Variants in ADCY8 observed in about 807,000 individuals in gnomAD.
ADCY8 encodes the protein adenylate cyclase 8, also known as adenylate cyclase type 8.
ADCY8 carries 51 observed loss-of-function variants against 119.7 expected under a neutral mutation model. That is an observed-to-expected ratio of 0.43 (90% confidence interval 0.34 to 0.54). ADCY8 has a LOEUF of 0.54. ADCY8 is among the 20% of genes least tolerant of loss of function. The pLI is 0.03. For missense variants in ADCY8, 1,383 were observed against 1,598.8 expected (o/e 0.87, Z 2.30); for synonymous variants, 665 against 651.0 (o/e 1.02, Z -0.33).
intron 2 of ADCY8, among the ~76,000 whole-genome samples, chr8:130,953,491 T>A (rs556524979): frequency 2.0e-5 from 3 of 152,308 alleles, no homozygotes; most frequent in Admixed American, 2.0e-4. Context: ...CCTGAACAGT[T>A]AATCAAGCGG....
intron 2 of ADCY8, among the ~76,000 whole-genome samples, chr8:130,974,724 G>A (rs1380012416): frequency 2.0e-5 from 3 of 152,212 alleles, no homozygotes; most frequent in African/African-American, 7.2e-5. Flanking sequence ...CAGAATCCTT[G>A]CAGCTCTGGA....
chr8:130,976,139 G>A (rs961688967), intron 2 of ADCY8, among the ~76,000 whole-genome samples: 2 of 152,184 alleles, frequency 1.3e-5, no homozygotes, highest in Non-Finnish European at 2.9e-5. Flanking sequence ...GGGGATAGCA[G>A]TAGTGATTGA....
intron 3 of ADCY8, among the ~76,000 whole-genome samples, chr8:130,945,359 T>C (rs1158291616): frequency 6.6e-6 from 1 of 152,204 alleles, no homozygotes; most frequent in East Asian, 1.9e-4. Flanking sequence ...TTTGGCAGAG[T>C]GACTATACTG....
intron 7 of ADCY8, among the ~76,000 whole-genome samples, chr8:130,901,180 T>C (rs930411664): frequency 1.3e-5 from 2 of 151,978 alleles, no homozygotes; most frequent in Admixed American, 1.3e-4. Flanking sequence ...TCTATCTTCA[T>C]TAAGAATATA....
chr8:130,869,811 C>T (rs1215512333), intron 8 of ADCY8, among the ~76,000 whole-genome samples: 1 of 151,984 alleles, frequency 6.6e-6, no homozygotes, highest in Admixed American at 6.5e-5. Flanking sequence ...GCCACTGCAC[C>T]CGGCCGGCTA....
intron 1 of ADCY8, among the ~76,000 whole-genome samples, chr8:131,009,630 T>A (rs1211789044): frequency 6.6e-6 from 1 of 152,226 alleles, no homozygotes; most frequent in Non-Finnish European, 1.5e-5. Flanking sequence ...TTTCTTCATA[T>A]CAGCATGAGA....
intron 4 of ADCY8, among the ~76,000 whole-genome samples, chr8:130,939,194 A>G (rs1820886273): frequency 6.6e-6 from 1 of 152,140 alleles, no homozygotes; most frequent in African/African-American, 2.4e-5. Context: ...AAAAGCAAAT[A>G]TATTTTTAAC....
chr8:130,856,079 A>T (rs1396146425), intron 9 of ADCY8, among the ~76,000 whole-genome samples: 1 of 151,854 alleles, frequency 6.6e-6, no homozygotes, highest in African/African-American at 2.4e-5. Flanking sequence ...AATCCTTCTC[A>T]GTCTTTTTCC....
At chr8:130,930,936 G>A (rs1193584711) in intron 5 of ADCY8, among the ~76,000 whole-genome samples, 3 of 152,012 alleles carry the variant, frequency 2.0e-5, no homozygotes, top group Non-Finnish European at 1.5e-5. Context: ...AAAACCCACA[G>A]GACTTGAATA....
chr8:130,922,515 C>G (rs1371203048), intron 5 of ADCY8, among the ~76,000 whole-genome samples: 3 of 152,022 alleles, frequency 2.0e-5, no homozygotes, highest in African/African-American at 7.3e-5. Context: ...TCAGAGAGCA[C>G]AGGGTTGGGG....
chr8:130,938,857 C>T (rs1820872292), intron 4 of ADCY8, among the ~76,000 whole-genome samples: 2 of 152,160 alleles, frequency 1.3e-5, no homozygotes, highest in African/African-American at 4.8e-5. Flanking sequence ...GGGCTCCTGT[C>T]TATTGGCTGC....
chr8:130,849,257 C>T (rs1358420270), intron 10 of ADCY8, among the ~76,000 whole-genome samples: 1 of 152,144 alleles, frequency 6.6e-6, no homozygotes. Context: ...TGTAAAGGTC[C>T]TCCTTCAGTG....
intron 1 of ADCY8, among the ~76,000 whole-genome samples, chr8:131,016,745 C>A (rs962868699): frequency 6.6e-6 from 1 of 152,010 alleles, no homozygotes; most frequent in Non-Finnish European, 1.5e-5. Flanking sequence ...AGGTGTAGGG[C>A]CAGAGGCAGG....
intron 9 of ADCY8, among the ~76,000 whole-genome samples, chr8:130,862,957 A>G (rs1303007297): frequency 3.9e-5 from 6 of 152,238 alleles, no homozygotes; most frequent in Non-Finnish European, 8.8e-5. Flanking sequence ...AAGAATCTGT[A>G]TTCTTCCATT....
intron 16 of ADCY8, 71 bp from the exon 17 acceptor site, chr8:130,783,876 GGGCT>G (rs1400608599): frequency 7.9e-7 from 1 of 1,272,690 alleles, no homozygotes; most frequent in African/African-American, 1.5e-5. Context: ...TCTGCAGCAG[GGGCT>G]TTACGTCCTA....
At chr8:130,815,921 C>G (rs1194580508) in intron 13 of ADCY8, among the ~76,000 whole-genome samples, 1 of 152,214 alleles carries the variant, frequency 6.6e-6, no homozygotes, top group Non-Finnish European at 1.5e-5. Flanking sequence ...CTAGCCTCCC[C>G]TCTCATGAGA....
At chr8:130,960,116 G>C (rs1044196536) in intron 2 of ADCY8, among the ~76,000 whole-genome samples, 1 of 152,202 alleles carries the variant, frequency 6.6e-6, no homozygotes, top group Non-Finnish European at 1.5e-5. Context: ...ATTCATGGCA[G>C]TGGAGATGGA....
At chr8:130,813,994 T>G (rs1816256313) in intron 14 of ADCY8, 75 bp downstream of exon 14, 3 of 1,550,088 alleles carry the variant, frequency 1.9e-6, no homozygotes, top group Non-Finnish European at 2.6e-6. Flanking sequence ...TCTCCCAGAG[T>G]TTGGGATCAA....
chr8:130,867,900 G>A lies in ADCY8; in HGVS notation c.2156C>T (p.Ala719Val), dbSNP rs1023661733. 6.2e-7 allele frequency: 1 copy of A among 1,611,832 alleles called. No homozygotes were observed. ...CGTGATAAATAGAAGAACGATAAAT[G>A]CACAGACCAAGTTTGACTTGAACAC... is the stretch of plus-strand genomic sequence containing the variant. ...DEVFKSNLVC[A>V]FIVLLFITAI... is the part of the protein sequence containing the mutation. The change falls in exon 9 of 18, where the codon GCA becomes GTA. Residue 719 changes from alanine (A) to valine (V), a missense_variant. Around this residue, in one of 2 missense-constraint regions of ADCY8, gnomAD observed 928 missense variants for 1,163.5 expected, o/e 0.80. Coordinates refer to ENST00000286355, the MANE Select transcript of ADCY8 (RefSeq NM_001115.3).
Sources: allele counts gnomAD v4.1 joint callset (sites outside exome capture counted in the v4.1 genomes callset), GRCh38; gene constraint gnomAD v4.1.1; regional missense constraint gnomAD v4.1.1; transcripts MANE v1.5; gene names NCBI Gene and HGNC (gene_info 2026-07-23, HGNC 2026-07-21).